Variants in FAF1 observed in about 807,000 individuals in gnomAD.
FAF1 encodes the protein FAS-associated factor 1.
A neutral mutation model predicts 92.5 loss-of-function variants in FAF1; 25 were observed. The observed-to-expected ratio is 0.27, with a 90% confidence interval of 0.20 to 0.38. The LOEUF is 0.38. Among genes scored for constraint, FAF1 ranks in the 10% least tolerant of loss-of-function variants. The pLI is 1.00. For synonymous variants in FAF1, 234 were observed against 273.2 expected, an observed-to-expected ratio of 0.86 and a Z score of 1.42; for missense variants, 636 against 793.3, an observed-to-expected ratio of 0.80 and a Z score of 2.38.
chr1:50,807,420 A>T (rs1300380717), intron 2 of FAF1, among the ~76,000 whole-genome samples: 1 of 152,244 alleles, frequency 6.6e-6, no homozygotes, highest in Non-Finnish European at 1.5e-5. Flanking sequence ...ACATCTTCAC[A>T]TGGCAGCAGG....
intron 8 of FAF1, among the ~76,000 whole-genome samples, chr1:50,604,776 T>C (rs1274335329): frequency 6.6e-6 from 1 of 152,164 alleles, no homozygotes; most frequent in African/African-American, 2.4e-5. Flanking sequence ...CTCCCCCTTT[T>C]GGCCTCTCAA....
rs138712851 is a variant in FAF1 at position 50,480,169 on chromosome 1, TGTGA to T, written c.1654-4494_1654-4491del. On this transcript the variant is annotated intron_variant, in intron 17 of 18. Transcript: ENST00000396153. ...GGTACTTTTTTTTCTACTAAAAATA[TGTGA>T]GTATTTAAAGCATATCTGAGGGATG... Among the ~76,000 whole-genome samples the T allele has an allele frequency of 2.2e-3, 334 of 152,304 alleles. 2 individuals carry two copies. The highest frequency in any genetic ancestry group is 7.6e-3 in the African/African-American group (316 of 41,574).
At chr1:50,829,467 C>A (rs1418943230) in intron 2 of FAF1, among the ~76,000 whole-genome samples, 1 of 152,198 alleles carries the variant, frequency 6.6e-6, no homozygotes, top group Non-Finnish European at 1.5e-5. Context: ...TCACCCCCAA[C>A]AAAGTGACCT....
chr1:50,810,305 C>T (rs552143014), intron 2 of FAF1, among the ~76,000 whole-genome samples: 6 of 152,146 alleles, frequency 3.9e-5, no homozygotes, highest in African/African-American at 1.4e-4. Flanking sequence ...TGTGATTTAC[C>T]ACATAAACAG....
chr1:50,487,175 C>T (rs1451284586), intron 17 of FAF1, among the ~76,000 whole-genome samples: 4 of 152,148 alleles, frequency 2.6e-5, no homozygotes, highest in African/African-American at 7.2e-5. Flanking sequence ...ATATAGGAAA[C>T]GTTGCTCTAA....
chr1:50,952,254 C>G (rs1198377221), intron 1 of FAF1, among the ~76,000 whole-genome samples: 1 of 152,310 alleles, frequency 6.6e-6, no homozygotes, highest in East Asian at 1.9e-4. Context: ...ATTGCAGGCG[C>G]GCGCCGCCAC....
At position 50,583,860 on chromosome 1, in the gene FAF1, A is replaced by G. The variant is rs1389972725; in HGVS notation, c.968-145T>C. On this transcript the variant is annotated intron_variant, in intron 10 of 18. Coordinates refer to ENST00000396153, the MANE Select transcript of FAF1 (RefSeq NM_007051.3). This position sits in a 1 kb window ranked among gnomAD's most constrained non-coding sequence, Gnocchi z 4.2. ...AAAATTAAATTTTAGCTTCTGTGAT[A>G]TATCTGAGGGGATAGTTTAACTCAA... 34 of 517,980 alleles carry G rather than the reference A, an allele frequency of 6.6e-5. No homozygotes were observed. The East Asian group carries it at 9.0e-4, about 14-fold the overall frequency. The allele number at this position is 517,980 out of a possible 1,614,324, so 32.1% of individuals were successfully genotyped here.
At chr1:50,677,895 CAAAAAA>C (rs1036524797) in intron 7 of FAF1, among the ~76,000 whole-genome samples, 6 of 62,542 alleles carry the variant, frequency 9.6e-5, no homozygotes, top group Admixed American at 1.9e-4. Flanking sequence ...AACTCTGCCT[CAAAAAA>C]AAAAAAAAAA....
Position 50,738,917 on chromosome 1 carries a change from C to G in FAF1, c.497G>C (p.Ser166Thr), listed in dbSNP as rs773887538. 9 of 1,608,332 alleles carry G rather than the reference C, an allele frequency of 5.6e-6. No homozygotes were observed. Among genetic ancestry groups the G allele is most frequent in the Non-Finnish European group, 6.8e-6 (8 of 1,176,878 alleles). ...CAAATCTGGTGTAAGGACATAAAGA[C>G]TGTTGTTTTTTGGCAAGTGTAGAGA... is the stretch of plus-strand genomic sequence containing the variant. ...LKSLHLPKNN[S>T]LYVLTPDLPP... Residue 166 changes from serine (S) to threonine (T), a missense_variant, in exon 6 of 19, where the codon AGT (serine) becomes ACT (threonine). Ser to Thr is a moderately conservative substitution (Grantham distance 58). This residue lies in a region of FAF1 where 317 missense variants were observed against 342.4 expected (regional missense o/e 0.93). Coordinates refer to ENST00000396153, the MANE Select transcript of FAF1 (RefSeq NM_007051.3).
chr1:50,665,337 CTAGT>C (rs1330065504), intron 7 of FAF1, among the ~76,000 whole-genome samples: 1 of 152,142 alleles, frequency 6.6e-6, no homozygotes, highest in African/African-American at 2.4e-5. Flanking sequence ...AAGCAATATA[CTAGT>C]TAATCTTAAA....
chr1:50,508,201 A>C (rs1327538814), intron 15 of FAF1, among the ~76,000 whole-genome samples: 1 of 152,230 alleles, frequency 6.6e-6, no homozygotes, highest in African/African-American at 2.4e-5. Flanking sequence ...TAAACATAGA[A>C]TTACCATATG....
At chr1:50,443,165 T>G (rs1451606557) in intron 18 of FAF1, among the ~76,000 whole-genome samples, 9 of 152,230 alleles carry the variant, frequency 5.9e-5, no homozygotes, top group Admixed American at 2.0e-4. Flanking sequence ...TCTTCTACTT[T>G]GTTATTTGTG....
intron 7 of FAF1, among the ~76,000 whole-genome samples, chr1:50,664,158 CA>C (rs1380731231): frequency 6.6e-6 from 1 of 150,904 alleles, no homozygotes; most frequent in Non-Finnish European, 1.5e-5. Flanking sequence ...CCACCATGCC[CA>C]GCTAATTTTT....
intron 18 of FAF1, among the ~76,000 whole-genome samples, chr1:50,469,041 A>G (rs369651237): frequency 3.9e-5 from 6 of 152,224 alleles, no homozygotes; most frequent in South Asian, 2.1e-4. Context: ...AGAGTTTCAT[A>G]TATAGACCTA....
chr1:50,692,587 G>A (rs1359533009), intron 7 of FAF1, among the ~76,000 whole-genome samples: 1 of 152,086 alleles, frequency 6.6e-6, no homozygotes, highest in African/African-American at 2.4e-5. Context: ...GTCTTCCCAT[G>A]TTGTTCCAAA....
intron 1 of FAF1, among the ~76,000 whole-genome samples, chr1:50,956,169 AT>A (rs957124924): frequency 2.6e-5 from 4 of 151,440 alleles, no homozygotes; most frequent in Non-Finnish European, 4.4e-5. Flanking sequence ...TTGTACCACA[AT>A]TTTTTTTTCA....
Position 50,809,316 on chromosome 1 carries a change from G to A in FAF1, c.115-7639C>T, listed in dbSNP as rs533127775. On this transcript the variant is annotated intron_variant, in intron 2 of 18. Coordinates refer to ENST00000396153, the MANE Select transcript of FAF1 (RefSeq NM_007051.3). ...AAACAGCATATAAAAGATCAATAAG[G>A]TCAAGAGTTAGTTCCTTGAAAGAAT... 6.8e-4 allele frequency among the ~76,000 whole-genome samples: 103 copies of A among 151,946 alleles called. 1 individual carries two copies. The South Asian group carries it at 0.02, about 30-fold the overall frequency.
At chr1:50,754,187 A>C (rs1390154938) in intron 4 of FAF1, among the ~76,000 whole-genome samples, 1 of 152,204 alleles carries the variant, frequency 6.6e-6, no homozygotes, top group East Asian at 1.9e-4. Flanking sequence ...TGACATTGTA[A>C]ATTTTATCTT....
In FAF1 at chr1:50,583,522, T is replaced by G; in HGVS notation, c.1031+130A>C. ...TATGTGTTTCACTATTAGGACTATA[T>G]AAATTAACAAGTATATCCTTTGAAT... On this transcript the variant is annotated intron_variant, in intron 11 of 18. Coordinates refer to ENST00000396153, the MANE Select transcript of FAF1 (RefSeq NM_007051.3). This position sits in a 1 kb window ranked among gnomAD's most constrained non-coding sequence, Gnocchi z 4.2. The G allele has an allele frequency of 2.0e-6, 1 of 495,424 alleles. No individual in the cohort carries two copies. Among genetic ancestry groups the G allele is most frequent in the Non-Finnish European group, 3.5e-6 (1 of 286,624 alleles). 30.7% of individuals were successfully genotyped at this position (495,424 alleles called of 1,614,324 possible).
Sources: allele counts gnomAD v4.1 joint callset (sites outside exome capture counted in the v4.1 genomes callset), GRCh38; gene constraint gnomAD v4.1.1; regional missense constraint gnomAD v4.1.1; non-coding constraint Gnocchi (gnomAD v3.1); transcripts MANE v1.5; gene names NCBI Gene and HGNC (gene_info 2026-07-23, HGNC 2026-07-21).